Variants in ZNF100 observed in about 807,000 individuals in gnomAD.
The protein encoded by ZNF100 is zinc finger protein 100, also known as zinc finger protein 100 (Y1).
A neutral mutation model predicts 15.8 loss-of-function variants in ZNF100; 12 were observed. The observed-to-expected ratio is 0.76, with a 90% CI of 0.49 to 1.23. ZNF100 has a LOEUF of 1.23. ZNF100 is among the 50% of genes most tolerant of loss of function. ZNF100 has a pLI of 0.00. For synonymous variants in ZNF100, 226 were observed against 214.8 expected (o/e 1.05, Z -0.45); for missense variants, 670 against 635.6 (o/e 1.05, Z -0.58).
At chr19:21,749,327 C>A (rs1420569388) in intron 2 of ZNF100, among the ~76,000 whole-genome samples, 1 of 151,518 alleles carries the variant, frequency 6.6e-6, no homozygotes, top group African/African-American at 2.4e-5. Context: ...ATTTCTCTTA[C>A]ACCGAGACAG....
intron 2 of ZNF100, among the ~76,000 whole-genome samples, chr19:21,755,771 T>C (rs2036383753): frequency 1.3e-5 from 2 of 152,306 alleles, no homozygotes; most frequent in South Asian, 4.1e-4. Flanking sequence ...AATGAGATCA[T>C]GTCCTCTGCA....
chr19:21,753,554 G>A (rs1160631973), intron 2 of ZNF100: 1 of 152,200 alleles, frequency 6.6e-6, no homozygotes. Flanking sequence ...CTGCACTCCA[G>A]TCTGGGCGAC....
intron 4 of ZNF100, among the ~76,000 whole-genome samples, chr19:21,728,305 T>A (rs887706054): frequency 6.6e-6 from 1 of 152,084 alleles, no homozygotes; most frequent in Non-Finnish European, 1.5e-5. Flanking sequence ...AGAAGTAAAT[T>A]GCCAACTTGT....
chr19:21,743,265 T>A (rs1313399225), intron 4 of ZNF100: 2 of 152,090 alleles, frequency 1.3e-5, no homozygotes, highest in African/African-American at 2.4e-5. Flanking sequence ...ATCAATGAAA[T>A]AAATTATTGA....
At position 21,726,594 on chromosome 19, in the gene ZNF100, A is replaced by G; in HGVS notation, c.*89T>C. 1 of 1,184,136 alleles carries G rather than the reference A, an allele frequency of 8.4e-7. No homozygotes were observed. The highest frequency in any genetic ancestry group is 2.4e-5 in the Admixed American group (1 of 41,442). 73.4% of individuals were successfully genotyped at this position (1,184,136 alleles called of 1,614,324 possible). ...GAGAATTTATTAAAGGCTTTGCCATATTCTTCACAGTCACAGGAGTTCCCT... is the reference window on the plus strand; with the variant it reads ...GAGAATTTATTAAAGGCTTTGCCATGTTCTTCACAGTCACAGGAGTTCCCT... On this transcript the variant is annotated 3_prime_UTR_variant, in exon 5 of 5. Coordinates refer to ENST00000358296, the MANE Select transcript of ZNF100 (RefSeq NM_173531.4).
At chr19:21,731,189 C>A (rs1273231824) in intron 4 of ZNF100, among the ~76,000 whole-genome samples, 5 of 151,906 alleles carry the variant, frequency 3.3e-5, no homozygotes, top group African/African-American at 1.2e-4. Flanking sequence ...AAATAGAATG[C>A]CACATCTATA....
rs763355082 is a variant in ZNF100 at position 21,727,237 on chromosome 19, T to TTG, written c.1073_1074dup (p.Thr359GlnfsTer8). On this transcript the variant is annotated frameshift_variant, in exon 5 of 5. Transcript: ENST00000358296. LOFTEE classifies it low-confidence loss of function (END_TRUNC). ...TGAGTTATCTTATGTGTAGTAAGGG[T>TTG]TGAGGACTGGTTAAAGGCTTTGCCA... is the stretch of plus-strand genomic sequence containing the variant. 1 of 1,612,918 alleles carries TTG rather than the reference T, an allele frequency of 6.2e-7. No homozygotes were observed. Among genetic ancestry groups the TTG allele is most frequent in the South Asian group, 1.1e-5 (1 of 91,046 alleles).
intron 2 of ZNF100, among the ~76,000 whole-genome samples, chr19:21,747,914 CA>C (rs1195780170): frequency 1.6e-4 from 24 of 152,150 alleles, no homozygotes; most frequent in African/African-American, 5.5e-4. Context: ...CAGTAATTCT[CA>C]GGATTTAGAT....
Position 21,727,477 on chromosome 19 carries a change from G to A in ZNF100, c.835C>T (p.His279Tyr), listed in dbSNP as rs375288548. The change falls in exon 5 of 5, where the codon CAT (histidine) becomes TAT (tyrosine). Residue 279 changes from histidine (H) to tyrosine (Y), a missense_variant. His to Tyr is a moderately conservative substitution (Grantham distance 83). Transcript: ENST00000358296. ...AFNRSSHLTTHKIIHTGEKPY... is the reference protein window; with the variant it reads ...AFNRSSHLTTYKIIHTGEKPY... ...TTCTCTCCAGTATGAATTATCTTATGTGTAGTAAGGTGTGAGGACCGGTTA... is the reference window on the plus strand; with the variant it reads ...TTCTCTCCAGTATGAATTATCTTATATGTAGTAAGGTGTGAGGACCGGTTA... The A allele has an allele frequency of 1.2e-6, 2 of 1,613,370 alleles. No individual in the cohort carries two copies. Among genetic ancestry groups the A allele is most frequent in the Non-Finnish European group, 1.7e-6 (2 of 1,179,808 alleles).
chr19:21,738,696 C>A (rs117108533), intron 4 of ZNF100, among the ~76,000 whole-genome samples: 1,645 of 152,206 alleles, frequency 0.011, 56 homozygotes, highest in East Asian at 0.07. Context: ...CAGAGACTCA[C>A]GCCTGTAATC....
rs1453115268 is a variant in ZNF100, at chr19:21,727,197, G to T, written c.1115C>A (p.Pro372His). 5.6e-6 allele frequency: 9 copies of T among 1,613,698 alleles called. No homozygotes were observed. The highest frequency in any genetic ancestry group is 7.6e-6 in the Non-Finnish European group (9 of 1,179,908). Residue 372 changes from proline (P) to histidine (H), a missense_variant, in exon 5 of 5, where the codon CCT becomes CAT. Physicochemically the swap from Pro to His is moderately conservative, Grantham distance 77 (BLOSUM62 -2). Transcript: ENST00000358296. ...THKITHAGEK[P>H]YKCEECGKAF... ...TTTGCCACATTCTTCACATTTGTAA[G>T]GTTTCTCTCCAGCATGAGTTATCTT...
rs780361740 is a variant in ZNF100, at chr19:21,767,470, C to A, written c.-41G>T. The A allele has an allele frequency of 2.5e-6, 4 of 1,613,912 alleles. No homozygotes were observed. Among genetic ancestry groups the A allele is most frequent in the Non-Finnish European group, 3.4e-6 (4 of 1,179,866 alleles). On this transcript the variant is annotated 5_prime_UTR_variant, in exon 1 of 5. Transcript: ENST00000358296. ...GGGTCCTGGCGTCTTAGCTGTGGAT[C>A]TCCCAATATCTGCAGGTCAGAGGGC...
intron 2 of ZNF100, among the ~76,000 whole-genome samples, chr19:21,749,171 G>A (rs901333808): frequency 3.9e-5 from 6 of 151,978 alleles, no homozygotes; most frequent in South Asian, 2.1e-4. Context: ...TGAAATGGAA[G>A]CAATTAGTTT....
At chr19:21,744,884 C>G in intron 3 of ZNF100, 57 bp downstream of exon 3, 1 of 1,576,844 alleles carries the variant, frequency 6.3e-7, no homozygotes, top group Non-Finnish European at 8.6e-7. Context: ...AATCATTCCA[C>G]AAAAAAAGAG....
At chr19:21,743,212 G>A (rs1423816089) in intron 4 of ZNF100, 1 of 152,168 alleles carries the variant, frequency 6.6e-6, no homozygotes, top group Admixed American at 6.6e-5. Flanking sequence ...TGATGACAGA[G>A]CGAGACTCCG....
intron 4 of ZNF100, among the ~76,000 whole-genome samples, chr19:21,742,053 T>C (rs940860735): frequency 1.3e-5 from 2 of 152,184 alleles, no homozygotes; most frequent in African/African-American, 4.8e-5. Flanking sequence ...CCCAGCACTC[T>C]GGGAGGCTGA....
chr19:21,752,830 T>C (rs954217085), intron 2 of ZNF100: 2 of 152,214 alleles, frequency 1.3e-5, no homozygotes, highest in Non-Finnish European at 2.9e-5. Flanking sequence ...TTGAGAGTTT[T>C]GTTTTTTTTC....
At chr19:21,755,176 T>A (rs764540329) in intron 2 of ZNF100, among the ~76,000 whole-genome samples, 5 of 151,808 alleles carry the variant, frequency 3.3e-5, no homozygotes, top group Non-Finnish European at 5.9e-5. Flanking sequence ...CCAGGCATGG[T>A]GGGGCATGTA....
chr19:21,729,128 T>C (rs2035868099), intron 4 of ZNF100, among the ~76,000 whole-genome samples: 1 of 151,972 alleles, frequency 6.6e-6, no homozygotes, highest in African/African-American at 2.4e-5. Context: ...TGATGCGTCA[T>C]TTGCCAGCAT....
Sources: allele counts gnomAD v4.1 joint callset (sites outside exome capture counted in the v4.1 genomes callset), GRCh38; gene constraint gnomAD v4.1.1; transcripts MANE v1.5; gene names NCBI Gene and HGNC (gene_info 2026-07-23, HGNC 2026-07-21).